RAI14: variants seen among roughly 807,000 people sequenced by gnomAD.
RAI14 encodes the protein retinoic acid induced 14.
A neutral mutation model predicts 115.4 loss-of-function variants in RAI14; 45 were observed. The observed-to-expected ratio is 0.39, with a 90% confidence interval of 0.31 to 0.50. The LOEUF is 0.50. Among genes scored for constraint, RAI14 ranks in the 20% least tolerant of loss-of-function variants. The pLI, the probability that RAI14 is intolerant of heterozygous loss-of-function variation, is 0.85. For synonymous variants in RAI14, 371 were observed against 415.4 expected, an observed-to-expected ratio of 0.89 and a Z score of 1.30; for missense variants, 939 against 1,131.2, an observed-to-expected ratio of 0.83 and a Z score of 2.44.
Position 34,814,549 on chromosome 5 carries a change from T to G in RAI14, c.853-34T>G, listed in dbSNP as rs771403880. On this transcript the variant is annotated intron_variant, in intron 11 of 17. Coordinates refer to ENST00000265109, the MANE Select transcript of RAI14 (RefSeq NM_015577.3). ...AGAAGAGGAGTTTGAAGATACATTC[T>G]TTATTAATGATTTTCATTTTGTTTC... is the stretch of plus-strand genomic sequence containing the variant. 6 of 1,518,268 alleles carry G rather than the reference T, an allele frequency of 4.0e-6. No individual in the cohort carries two copies. The South Asian group carries it at 6.7e-5, about 17-fold the overall frequency. The allele number at this position is 1,518,268 out of a possible 1,614,324, so 94.0% of individuals were successfully genotyped here.
At chr5:34,792,499 G>A (rs1580276694) in intron 3 of RAI14, among the ~76,000 whole-genome samples, 1 of 152,080 alleles carries the variant, frequency 6.6e-6, no homozygotes, top group East Asian at 1.9e-4. Context: ...CTCCCAAAGT[G>A]CTGGGATTAC....
intron 1 of RAI14, among the ~76,000 whole-genome samples, chr5:34,680,865 CAGTT>C (rs1374093455): frequency 2.6e-5 from 4 of 152,158 alleles, no homozygotes; most frequent in Non-Finnish European, 4.4e-5. Context: ...TTCATATCCT[CAGTT>C]AGTTTGGAGT....
chr5:34,759,459 C>G (rs1350903709), intron 3 of RAI14, among the ~76,000 whole-genome samples: 1 of 152,140 alleles, frequency 6.6e-6, no homozygotes, highest in African/African-American at 2.4e-5. Context: ...TATCTGAGCT[C>G]CGCCTCCTGT....
At chr5:34,795,763 T>C (rs1314027017) in intron 3 of RAI14, among the ~76,000 whole-genome samples, 176 bp from the exon 4 acceptor site, 1 of 151,808 alleles carries the variant, frequency 6.6e-6, no homozygotes, top group Non-Finnish European at 1.5e-5. Flanking sequence ...CATCCTGAGC[T>C]TCTGTTTCCT....
chr5:34,679,792 C>T (rs1033372421), intron 1 of RAI14, among the ~76,000 whole-genome samples: 3 of 152,060 alleles, frequency 2.0e-5, no homozygotes, highest in Non-Finnish European at 2.9e-5. Flanking sequence ...TTTTAAAAAC[C>T]TTAGTGCTTT....
chr5:34,821,615 G>A (rs1231800539), intron 13 of RAI14, 117 bp from the exon 14 acceptor site: 20 of 652,762 alleles, frequency 3.1e-5, no homozygotes, highest in South Asian at 2.2e-4. Flanking sequence ...CTGCTAGGGC[G>A]TTTTATAATT....
intron 2 of RAI14, among the ~76,000 whole-genome samples, chr5:34,732,505 C>G (rs1744328048): frequency 7.0e-6 from 1 of 143,376 alleles, no homozygotes. Flanking sequence ...GTGGCGTGAT[C>G]TTGGCTCACT....
intron 3 of RAI14, among the ~76,000 whole-genome samples, chr5:34,792,235 CTTTTTTT>C (rs55986330): frequency 7.8e-6 from 1 of 127,482 alleles, no homozygotes; most frequent in Non-Finnish European, 1.6e-5. Context: ...TTTCTTTTTT[CTTTTTTT>C]TTTTTTTTTG....
chr5:34,800,684 T>G (rs1355536519), intron 4 of RAI14, among the ~76,000 whole-genome samples: 1 of 152,168 alleles, frequency 6.6e-6, no homozygotes, highest in Admixed American at 6.5e-5. Flanking sequence ...ATAAAAGAAT[T>G]TTTGCTTCTA....
chr5:34,753,958 G>C (rs1197279584), intron 2 of RAI14, among the ~76,000 whole-genome samples: 1 of 151,270 alleles, frequency 6.6e-6, no homozygotes, highest in Non-Finnish European at 1.5e-5. Flanking sequence ...GCAGATGCCT[G>C]TAATCCCAGC....
chr5:34,756,840 A>G (rs2150089956), intron 2 of RAI14, among the ~76,000 whole-genome samples: 1 of 152,324 alleles, frequency 6.6e-6, no homozygotes, highest in East Asian at 1.9e-4. Context: ...TTTGGCATTG[A>G]CAGTGATTGA....
intron 2 of RAI14, among the ~76,000 whole-genome samples, chr5:34,703,522 A>G (rs964614957): frequency 2.6e-5 from 4 of 152,194 alleles, no homozygotes; most frequent in African/African-American, 9.6e-5. Flanking sequence ...ATGTGTTTCT[A>G]TTTCTTAAAA....
intron 2 of RAI14, among the ~76,000 whole-genome samples, chr5:34,696,150 T>A (rs1359699691): frequency 6.6e-6 from 1 of 151,944 alleles, no homozygotes. Flanking sequence ...TTATTTTTTA[T>A]TTTTTTGAGA....
At chr5:34,803,571 C>A (rs146522509) in intron 4 of RAI14, 141 bp from the exon 5 acceptor site, 4,327 of 256,024 alleles carry the variant, frequency 0.017, 4 homozygotes, top group Middle Eastern at 0.026. Context: ...AACAAAAAAA[C>A]AAACAAACAA....
chr5:34,710,214 C>T (rs1403549449), intron 2 of RAI14, among the ~76,000 whole-genome samples: 1 of 152,172 alleles, frequency 6.6e-6, no homozygotes, highest in South Asian at 2.1e-4. Flanking sequence ...GCCATCCTGC[C>T]TCTGAAGTCT....
chr5:34,813,943 C>T lies in RAI14; in HGVS notation c.852+283C>T, dbSNP rs1327307334. 2.0e-5 allele frequency among the ~76,000 whole-genome samples: 3 copies of T among 152,064 alleles called. No homozygotes were observed. In the East Asian group the frequency reaches 5.8e-4, roughly 29 times the overall value. On this transcript the variant is annotated intron_variant, in intron 11 of 17. Transcript: ENST00000265109. ...CAAAATCTTATCACAGAAACTTTCC[C>T]TTAAGATAAGTTCAATTTATTTTTA... is the stretch of plus-strand genomic sequence containing the variant.
At chr5:34,786,536 C>T (rs949710105) in intron 3 of RAI14, among the ~76,000 whole-genome samples, 2 of 152,210 alleles carry the variant, frequency 1.3e-5, no homozygotes. Context: ...CTCCTCCTTC[C>T]TCATCATTTG....
chr5:34,796,793 G>T (rs1753591057), intron 4 of RAI14, among the ~76,000 whole-genome samples: 1 of 151,832 alleles, frequency 6.6e-6, no homozygotes, highest in South Asian at 2.1e-4. Context: ...GGAACTTGAA[G>T]GAAGGGAAAA....
chr5:34,780,346 T>C (rs1191654162), intron 3 of RAI14, among the ~76,000 whole-genome samples: 6 of 152,026 alleles, frequency 3.9e-5, no homozygotes, highest in Non-Finnish European at 8.8e-5. Flanking sequence ...CCAAAAGCAA[T>C]GGCAACAAAA....
Sources: allele counts gnomAD v4.1 joint callset (sites outside exome capture counted in the v4.1 genomes callset), GRCh38; gene constraint gnomAD v4.1.1; transcripts MANE v1.5; gene names NCBI Gene and HGNC (gene_info 2026-07-23, HGNC 2026-07-21).